Variants in PSD3 observed in about 807,000 individuals in gnomAD.
PSD3 encodes the protein PH and SEC7 domain-containing protein 3.
PSD3 carries 49 observed loss-of-function variants against 105.5 expected under a neutral mutation model. The ratio of observed to expected loss-of-function variants is 0.46; its 90% CI spans 0.37 to 0.59. The LOEUF (loss-of-function observed/expected upper bound fraction) is 0.59, where lower values mean the gene tolerates loss of function less well. Ranked by LOEUF, PSD3 falls within the 20% of genes least tolerant of loss-of-function variation. The probability of loss-of-function intolerance (pLI) is 0.00; values close to 1 mark genes in which losing one functional copy is unlikely to be tolerated. For missense variants in PSD3, 1,561 were observed against 1,263.8 expected (o/e 1.24, Z -3.57); for synonymous variants, 557 against 457.8 (o/e 1.22, Z -2.77).
chr8:19,026,712 A>AT (rs1005834677), intron 1 of PSD3, among the ~76,000 whole-genome samples: 1 of 148,496 alleles, frequency 6.7e-6, no homozygotes, highest in Non-Finnish European at 1.5e-5. Flanking sequence ...AAAAAAAAAA[A>AT]AAAAAAAAAA....
intron 1 of PSD3, among the ~76,000 whole-genome samples, chr8:18,958,315 G>A (rs117059590): frequency 0.013 from 2,017 of 152,272 alleles, 23 homozygotes; most frequent in Non-Finnish European, 0.021. Context: ...TTGTCTTAGG[G>A]GAACTGGGTT....
intron 1 of PSD3, among the ~76,000 whole-genome samples, chr8:18,983,014 C>G (rs1321624519): frequency 1.3e-5 from 2 of 152,224 alleles, no homozygotes; most frequent in Non-Finnish European, 2.9e-5. Context: ...GCTGTTTTGT[C>G]TACATTGAAA....
At chr8:18,976,100 C>G (rs1481378905) in intron 1 of PSD3, among the ~76,000 whole-genome samples, 1 of 152,094 alleles carries the variant, frequency 6.6e-6, no homozygotes, top group Admixed American at 6.6e-5. Flanking sequence ...TTCACATAAA[C>G]TATAATATCA....
intron 9 of PSD3, among the ~76,000 whole-genome samples, chr8:18,752,061 G>A (rs1805539333): frequency 6.6e-6 from 1 of 151,138 alleles, no homozygotes; most frequent in Admixed American, 6.6e-5. Context: ...GGTGGTGGAT[G>A]CCTGTAATCC....
chr8:18,686,710 C>T (rs1260346010), intron 9 of PSD3, among the ~76,000 whole-genome samples: 1 of 152,164 alleles, frequency 6.6e-6, no homozygotes, highest in African/African-American at 2.4e-5. Flanking sequence ...TTATCTTTGT[C>T]AGTCAGGCCT....
At position 19,012,718 on chromosome 8, in the gene PSD3, G is replaced by A. The variant is rs570462146; in HGVS notation, c.21+845C>T. 4.1e-4 allele frequency among the ~76,000 whole-genome samples: 63 copies of A among 152,252 alleles called. No homozygotes were observed. The South Asian group carries it at 0.012, about 30-fold the overall frequency. On this transcript the variant is annotated intron_variant, in intron 1 of 15. Coordinates refer to ENST00000327040, the MANE Select transcript of PSD3 (RefSeq NM_015310.4). ...TCCTTTGCACATACTCAATTACAAC[G>A]AACGCATTGAGGCATTTGTTGCCAG...
At chr8:18,682,027 G>C (rs1800418392) in intron 9 of PSD3, among the ~76,000 whole-genome samples, 1 of 151,012 alleles carries the variant, frequency 6.6e-6, no homozygotes, top group African/African-American at 2.4e-5. Flanking sequence ...AAAAGTGCTT[G>C]GCCTTCTCTT....
chr8:19,074,780 C>T (rs911929803), intron 1 of PSD3, among the ~76,000 whole-genome samples: 4 of 151,062 alleles, frequency 2.6e-5, no homozygotes, highest in East Asian at 1.9e-4. Context: ...ACCACCACAC[C>T]GGGCTAATTT....
chr8:18,767,192 T>G (rs2129443889), intron 8 of PSD3, among the ~76,000 whole-genome samples: 1 of 152,296 alleles, frequency 6.6e-6, no homozygotes, highest in African/African-American at 2.4e-5. Flanking sequence ...AATAAAGTAA[T>G]TAGAAAATCC....
At chr8:18,966,333 G>T (rs1248145483) in intron 1 of PSD3, among the ~76,000 whole-genome samples, 1 of 152,114 alleles carries the variant, frequency 6.6e-6, no homozygotes, top group African/African-American at 2.4e-5. Context: ...ACTTTGGGAG[G>T]CCGAGGCAGG....
At chr8:18,537,681 T>A (rs956810470) in intron 15 of PSD3, among the ~76,000 whole-genome samples, 1 of 33,252 alleles carries the variant, frequency 3.0e-5, no homozygotes. Context: ...AGCCTCTCAT[T>A]CTTTTTTTTT....
intron 14 of PSD3, among the ~76,000 whole-genome samples, chr8:18,560,332 G>A (rs187681176): frequency 8.5e-5 from 13 of 152,184 alleles, no homozygotes; most frequent in Non-Finnish European, 1.5e-4. Flanking sequence ...TAATAGACAC[G>A]ATGAAGAAAG....
intron 4 of PSD3, among the ~76,000 whole-genome samples, chr8:18,814,150 G>T (rs998449635): frequency 1.3e-5 from 2 of 152,174 alleles, no homozygotes; most frequent in African/African-American, 4.8e-5. Flanking sequence ...CTAATTAGCA[G>T]AATTCCTAAG....
chr8:18,643,457 T>C (rs1368800243), intron 10 of PSD3, among the ~76,000 whole-genome samples: 21 of 152,220 alleles, frequency 1.4e-4, no homozygotes, highest in Admixed American at 1.4e-3. Context: ...CTAAATCAGA[T>C]ACAGGTCAAT....
rs553655771 is a variant in PSD3, at chr8:18,821,405, G to A, written c.1635-16507C>T. Among the ~76,000 whole-genome samples the A allele has an allele frequency of 9.3e-4, 118 of 127,186 alleles. 2 individuals are homozygous for A. The South Asian group carries it at 0.027, about 29-fold the overall frequency. 83.4% of individuals were successfully genotyped at this position (127,186 alleles called of 152,430 possible). On this transcript the variant is annotated intron_variant, in intron 4 of 15. Transcript: ENST00000327040. ...TCATTTTCCAAAAAAAATAATACCAGGTTCCAAAAAGCTGCACCTTGAGAT... is the reference window on the plus strand; with the variant it reads ...TCATTTTCCAAAAAAAATAATACCAAGTTCCAAAAAGCTGCACCTTGAGAT...
intron 10 of PSD3, among the ~76,000 whole-genome samples, chr8:18,645,783 A>T (rs951804264): frequency 6.6e-6 from 1 of 152,202 alleles, no homozygotes; most frequent in Non-Finnish European, 1.5e-5. Context: ...GAGCACCTCA[A>T]GTGGAGAACT....
intron 1 of PSD3, among the ~76,000 whole-genome samples, chr8:19,029,318 T>G (rs1021696449): frequency 6.6e-6 from 1 of 152,188 alleles, no homozygotes; most frequent in Non-Finnish European, 1.5e-5. Flanking sequence ...TATATTTCCT[T>G]TGATTTATTT....
intron 2 of PSD3, among the ~76,000 whole-genome samples, chr8:18,912,444 T>G (rs900107302): frequency 6.6e-6 from 1 of 151,608 alleles, no homozygotes; most frequent in Non-Finnish European, 1.5e-5. Context: ...ATAAAACTTT[T>G]GTACTTAAAT....
intron 1 of PSD3, among the ~76,000 whole-genome samples, chr8:19,081,455 G>T (rs1246518393): frequency 2.6e-5 from 4 of 152,194 alleles, no homozygotes; most frequent in Non-Finnish European, 4.4e-5. Flanking sequence ...ACAACTTGAG[G>T]GCTGGGCCCA....
Sources: allele counts gnomAD v4.1 joint callset (sites outside exome capture counted in the v4.1 genomes callset), GRCh38; gene constraint gnomAD v4.1.1; transcripts MANE v1.5; gene names NCBI Gene and HGNC (gene_info 2026-07-23, HGNC 2026-07-21).